The following RELCH variants were observed in gnomAD, a reference collection of about 807,000 sequenced individuals.
RELCH encodes the protein RAB11-binding protein RELCH.
Under a neutral mutation model 150.3 loss-of-function variants are expected in RELCH, and 41 were observed. That is an observed-to-expected ratio of 0.27 (90% CI 0.21 to 0.35). The LOEUF is 0.35. RELCH is among the 10% of genes least tolerant of loss of function. RELCH has a pLI of 1.00. For missense variants in RELCH, 1,092 were observed against 1,467.8 expected (o/e 0.74, Z 4.18); for synonymous variants, 478 against 531.8 (o/e 0.90, Z 1.39).
intron 11 of RELCH, chr18:62,246,944 G>A (rs552716662): frequency 3.3e-5 from 5 of 152,240 alleles, no homozygotes; most frequent in Admixed American, 1.3e-4. Flanking sequence ...TTTTATATAC[G>A]ATATTTGTCT....
In RELCH at chr18:62,221,103, C is replaced by CT; in HGVS notation, c.683_684insT (p.Ala229ArgfsTer4). 1 of 1,613,148 alleles carries CT rather than the reference C, an allele frequency of 6.2e-7. No individual in the cohort carries two copies. Among genetic ancestry groups the CT allele is most frequent in the Non-Finnish European group, 8.5e-7 (1 of 1,179,404 alleles). ...GCCCTCCGAGCCAACCTGACAAAGG[C>CT]CGCAGGTGGTGTACATAAAACTTTT... On this transcript the variant is annotated frameshift_variant, in exon 3 of 29. Coordinates refer to ENST00000644646, the MANE Select transcript of RELCH (RefSeq NM_001346231.2). LOFTEE classifies it high-confidence loss of function.
chr18:62,260,120 A>C (rs1296856141), intron 15 of RELCH, among the ~76,000 whole-genome samples: 1 of 151,246 alleles, frequency 6.6e-6, no homozygotes, highest in Non-Finnish European at 1.5e-5. Context: ...AGAATGGGAG[A>C]AAATATTTGC....
At chr18:62,259,880 A>G (rs1472134567) in intron 15 of RELCH, among the ~76,000 whole-genome samples, 1 of 151,832 alleles carries the variant, frequency 6.6e-6, no homozygotes, top group Non-Finnish European at 1.5e-5. Flanking sequence ...ACATATATTG[A>G]GGAAAGGACA....
chr18:62,210,528 T>C (rs2040089660), intron 1 of RELCH, among the ~76,000 whole-genome samples: 2 of 152,228 alleles, frequency 1.3e-5, no homozygotes, highest in African/African-American at 4.8e-5. Flanking sequence ...ATTTCAGTTC[T>C]AGAATTTCTA....
At chr18:62,252,614 A>G (rs2144581184) in intron 11 of RELCH, 50 bp from the exon 12 acceptor site, 1 of 1,346,108 alleles carries the variant, frequency 7.4e-7, no homozygotes, top group African/African-American at 1.4e-5. Flanking sequence ...CCTTAGTCCT[A>G]GTTGTGCTTT....
At chr18:62,238,340 C>T (rs2041977170) in intron 10 of RELCH, among the ~76,000 whole-genome samples, 1 of 151,850 alleles carries the variant, frequency 6.6e-6, no homozygotes, top group Non-Finnish European at 1.5e-5. Context: ...ATGTGGCTTA[C>T]ATAGTAGTTC....
chr18:62,304,862 A>T (rs2045818126), intron 28 of RELCH, among the ~76,000 whole-genome samples: 1 of 152,204 alleles, frequency 6.6e-6, no homozygotes, highest in Non-Finnish European at 1.5e-5. Flanking sequence ...ACATCCCCCA[A>T]AAAAGGAATA....
At chr18:62,244,949 T>G (rs2042326937) in intron 11 of RELCH, 73 bp downstream of exon 11, 2 of 995,128 alleles carry the variant, frequency 2.0e-6, no homozygotes, top group African/African-American at 3.2e-5. Flanking sequence ...GCATCAGGAT[T>G]AGCATTTGAA....
At chr18:62,256,599 G>A (rs1488229407) in intron 13 of RELCH, among the ~76,000 whole-genome samples, 2 of 151,962 alleles carry the variant, frequency 1.3e-5, no homozygotes, top group Admixed American at 6.6e-5. Flanking sequence ...TTCCTCAGCG[G>A]ATCTATGTTT....
chr18:62,260,666 C>T (rs1365857630), intron 15 of RELCH, among the ~76,000 whole-genome samples: 1 of 151,814 alleles, frequency 6.6e-6, no homozygotes, highest in Non-Finnish European at 1.5e-5. Flanking sequence ...TAGAATCAAC[C>T]TAAGTGTCCA....
At chr18:62,289,859 T>C (rs1286397460) in intron 26 of RELCH, among the ~76,000 whole-genome samples, 1 of 152,198 alleles carries the variant, frequency 6.6e-6, no homozygotes, top group Non-Finnish European at 1.5e-5. Flanking sequence ...GAAAAGTGAC[T>C]TCCCTCTTCT....
intron 25 of RELCH, 82 bp from the exon 26 acceptor site, chr18:62,287,269 G>T: frequency 1.4e-6 from 1 of 715,598 alleles, no homozygotes; most frequent in South Asian, 1.6e-5. Context: ...ATAAATTAAA[G>T]TGATAAATTA....
chr18:62,261,717 G>C lies in RELCH; in HGVS notation c.2350+59G>C. The C allele has an allele frequency of 2.0e-6, 3 of 1,475,616 alleles. No individual in the cohort carries two copies. The South Asian group carries it at 3.8e-5, about 19-fold the overall frequency. 91.4% of individuals were successfully genotyped at this position (1,475,616 alleles called of 1,614,324 possible). ...AATATTAGCAGCCTAGCTTCCCAAA[G>C]AATTGTTTTTTATTAAAAGTCTAAA... On this transcript the variant is annotated intron_variant, in intron 16 of 28. Coordinates refer to ENST00000644646, the MANE Select transcript of RELCH (RefSeq NM_001346231.2).
At chr18:62,255,345 C>A in intron 12 of RELCH, 62 bp from the exon 13 acceptor site, 2 of 1,089,334 alleles carry the variant, frequency 1.8e-6, no homozygotes, top group Non-Finnish European at 2.8e-6. Flanking sequence ...AAATGTAATT[C>A]TCTTTTGAAG....
intron 17 of RELCH, 88 bp downstream of exon 17, chr18:62,264,233 A>G: frequency 1.9e-6 from 2 of 1,072,068 alleles, no homozygotes; most frequent in Non-Finnish European, 1.3e-6. Flanking sequence ...CAAAACTTTT[A>G]AAATGTAACT....
chr18:62,279,678 CTCTT>C (rs762994104), intron 22 of RELCH, 92 bp from the exon 23 acceptor site: 7 of 788,838 alleles, frequency 8.9e-6, no homozygotes, highest in Non-Finnish European at 1.2e-5. Context: ...TGTGTTTTCT[CTCTT>C]TCTCTTGGTT....
At chr18:62,209,416 T>C (rs2040018170) in intron 1 of RELCH, among the ~76,000 whole-genome samples, 1 of 152,208 alleles carries the variant, frequency 6.6e-6, no homozygotes, top group Non-Finnish European at 1.5e-5. Flanking sequence ...TGAAATGTCT[T>C]GGTACTATTG....
Position 62,280,525 on chromosome 18 carries a change from T to C in RELCH, c.3051-121T>C, listed in dbSNP as rs962611014. On this transcript the variant is annotated intron_variant, in intron 23 of 28. Transcript: ENST00000644646. Reference sequence around the variant, plus strand: ...TTGGTCTGCTTTTTTTAAATTTATTTAATTTGTCATTGCTAGAGACTAATA... The same window carrying C: ...TTGGTCTGCTTTTTTTAAATTTATTCAATTTGTCATTGCTAGAGACTAATA... The C allele has an allele frequency of 2.2e-6, 3 of 1,376,166 alleles. No homozygotes were observed. The African/African-American group carries it at 4.3e-5, about 20-fold the overall frequency. The allele number at this position is 1,376,166 out of a possible 1,614,324, so 85.2% of individuals were successfully genotyped here. A position where few individuals can be genotyped will look rare whatever the true frequency, so the allele number is the denominator to read the frequency against.
chr18:62,255,658 C>T (rs2042960943), intron 13 of RELCH, among the ~76,000 whole-genome samples, 180 bp downstream of exon 13: 1 of 151,996 alleles, frequency 6.6e-6, no homozygotes, highest in African/African-American at 2.4e-5. Context: ...CACATAGGTA[C>T]ATTACCACTG....
Sources: gnomAD v4.1 joint callset for allele counts (sites outside exome capture counted in the v4.1 genomes callset) on GRCh38, gnomAD v4.1.1 for gene constraint, MANE v1.5 for transcripts, NCBI Gene and HGNC (gene_info 2026-07-23, HGNC 2026-07-21) for gene names.